Variants in LCK observed in about 807,000 individuals in gnomAD.
LCK encodes LCK proto-oncogene, Src family tyrosine kinase, also known as tyrosine-protein kinase Lck.
Under a neutral mutation model 64.6 loss-of-function variants are expected in LCK, and 14 were observed. The ratio of observed to expected loss-of-function variants is 0.22; its 90% CI spans 0.14 to 0.34. LCK has a LOEUF of 0.34. LCK is among the 10% of genes least tolerant of loss of function. The pLI is 1.00. For synonymous variants in LCK, 277 were observed against 263.6 expected (o/e 1.05, Z -0.49); for missense variants, 434 against 668.1 (o/e 0.65, Z 3.86).
chr1:32,272,577 G>C (rs190626155), intron 1 of LCK, among the ~76,000 whole-genome samples: 41 of 143,572 alleles, frequency 2.9e-4, no homozygotes, highest in Admixed American at 1.5e-3. Flanking sequence ...TGTCTCAAGA[G>C]AGAGAGAGAA....
At chr1:32,262,171 A>G (rs1639793184) in intron 1 of LCK, among the ~76,000 whole-genome samples, 1 of 141,366 alleles carries the variant, frequency 7.1e-6, no homozygotes, top group South Asian at 2.6e-4. Context: ...GGTGTGAGCC[A>G]CGGCCCCCGG....
At chr1:32,283,467 T>A (rs1640522858) in intron 12 of LCK, among the ~76,000 whole-genome samples, 1 of 152,066 alleles carries the variant, frequency 6.6e-6, no homozygotes, top group Non-Finnish European at 1.5e-5. Context: ...CTTGTCACAA[T>A]CTTTGTTCAG....
At chr1:32,280,449 T>C (rs933585835) in intron 12 of LCK, among the ~76,000 whole-genome samples, 4 of 114,046 alleles carry the variant, frequency 3.5e-5, no homozygotes, top group South Asian at 3.5e-4. Context: ...TTTTCTTTTT[T>C]TTTTTTTTTT....
In LCK at chr1:32,283,889, TTATG is replaced by T. The variant is rs917149010; in HGVS notation, c.1328-1621_1328-1618del. 1.4e-4 allele frequency among the ~76,000 whole-genome samples: 22 copies of T among 152,042 alleles called. 1 individual carries two copies. The highest frequency in any genetic ancestry group is 4.6e-4 in the African/African-American group (19 of 41,456). On this transcript the variant is annotated intron_variant, in intron 12 of 12. Transcript: ENST00000336890. ...CAGGTGCCCTTTATTATTTATTTATTTATGTATTTATTTCAGACAGAGTCTCTGT... is the reference window on the plus strand; with the variant it reads ...CAGGTGCCCTTTATTATTTATTTATTTATTTATTTCAGACAGAGTCTCTGT...
At chr1:32,274,885 C>A (rs1311077194) in intron 3 of LCK, 67 bp downstream of exon 3, 2 of 1,613,770 alleles carry the variant, frequency 1.2e-6, no homozygotes, top group Non-Finnish European at 1.7e-6. Flanking sequence ...TTCCACCTCT[C>A]CCCCACCTAC....
intron 1 of LCK, among the ~76,000 whole-genome samples, chr1:32,268,813 CAAA>C (rs1203257987): frequency 5.6e-5 from 3 of 53,258 alleles, no homozygotes; most frequent in Non-Finnish European, 7.8e-5. Flanking sequence ...AACTCCGTCT[CAAA>C]AAAAAAAAAA....
chr1:32,262,883 A>C (rs1029255232), intron 1 of LCK, among the ~76,000 whole-genome samples: 4 of 151,820 alleles, frequency 2.6e-5, no homozygotes, highest in East Asian at 3.9e-4. Context: ...AAAAAAAAAA[A>C]AAAACAGATG....
intron 1 of LCK, among the ~76,000 whole-genome samples, chr1:32,270,100 C>T (rs961989899): frequency 7.2e-5 from 11 of 152,148 alleles, no homozygotes; most frequent in African/African-American, 2.2e-4. Context: ...TGAATTCTCT[C>T]TCTCTGTCTC....
intron 1 of LCK, among the ~76,000 whole-genome samples, chr1:32,263,249 G>A (rs763939815): frequency 3.3e-5 from 5 of 151,518 alleles, no homozygotes; most frequent in Admixed American, 6.6e-5. Context: ...AAAAATTAGC[G>A]GGCATGGTGG....
intron 1 of LCK, among the ~76,000 whole-genome samples, chr1:32,265,964 T>C (rs1456723731): frequency 2.6e-5 from 4 of 152,122 alleles, no homozygotes; most frequent in Non-Finnish European, 4.4e-5. Context: ...CACCCGGCCT[T>C]GTTTTGAGAC....
At chr1:32,267,327 C>A (rs1355378268) in intron 1 of LCK, among the ~76,000 whole-genome samples, 1 of 152,160 alleles carries the variant, frequency 6.6e-6, no homozygotes, top group Non-Finnish European at 1.5e-5. Context: ...AAATTCCATG[C>A]ACATTTTGCA....
chr1:32,253,137 G>A (rs1000812274), intron 1 of LCK, among the ~76,000 whole-genome samples: 3 of 152,210 alleles, frequency 2.0e-5, no homozygotes, highest in Non-Finnish European at 2.9e-5. Flanking sequence ...AGGCTGAGGC[G>A]GGCAGATCAT....
intron 1 of LCK, among the ~76,000 whole-genome samples, chr1:32,271,593 G>A (rs541299784): frequency 2.0e-4 from 31 of 152,362 alleles, no homozygotes; most frequent in African/African-American, 7.2e-4. Context: ...GAGCCCAGGA[G>A]TTTGAGGTTC....
chr1:32,251,782 C>G lies in LCK; in HGVS notation c.-6+411C>G, dbSNP rs2124294293. The stretch of plus-strand genomic sequence containing the variant: ...GCAGTGGCAGGGCTGAGAGTGATGG[C>G]TGAGGCTGTGGCCACCCCGCCTGGA... On this transcript the variant is annotated intron_variant, in intron 1 of 12. Transcript: ENST00000336890. The surrounding 1 kb of genome is among the most constrained non-coding windows in gnomAD (Gnocchi z 4.0). Among the ~76,000 whole-genome samples, 1 of 152,238 alleles carries G rather than the reference C, an allele frequency of 6.6e-6. No individual in the cohort carries two copies. Among genetic ancestry groups the G allele is most frequent in the South Asian group, 2.1e-4 (1 of 4,824 alleles).
chr1:32,272,829 G>A lies in LCK; in HGVS notation c.-5-1496G>A, dbSNP rs114061634. 2.9e-3 allele frequency among the ~76,000 whole-genome samples: 426 copies of A among 145,466 alleles called. 1 individual carries two copies. Among genetic ancestry groups the A allele is most frequent in the African/African-American group, 0.011 (417 of 39,262 alleles). The stretch of plus-strand genomic sequence containing the variant: ...GTGTGTGTGAGTGTGGGTGTGTGGG[G>A]GTATCTATGGAGGGGATGCCTGTGT... On this transcript the variant is annotated intron_variant, in intron 1 of 12. Coordinates refer to ENST00000336890, the MANE Select transcript of LCK (RefSeq NM_005356.5).
intron 12 of LCK, among the ~76,000 whole-genome samples, chr1:32,280,443 CTTTTTTTTTTTTTTTTT>C (rs770430504): frequency 2.8e-4 from 24 of 84,756 alleles, no homozygotes; most frequent in South Asian, 8.8e-4. Flanking sequence ...TTTTCTTTTT[CTTTTTTTTTTTTTTTTT>C]TTTTTTTTTT....
chr1:32,279,587 T>G, intron 9 of LCK, 84 bp from the exon 10 acceptor site: 1 of 1,609,960 alleles, frequency 6.2e-7, no homozygotes, highest in Non-Finnish European at 8.5e-7. Context: ...TCAGACACAC[T>G]TCTAGACTCC....
intron 1 of LCK, 46 bp from the exon 2 acceptor site, chr1:32,274,279 G>A: frequency 3.1e-6 from 5 of 1,613,468 alleles, no homozygotes; most frequent in Non-Finnish European, 4.2e-6. Context: ...TGTTGGGGGA[G>A]CAGATCTTGG....
rs561703751 is a variant in LCK at position 32,275,357 on chromosome 1, G to C, written c.315G>C (p.Thr105=). Residue 105 remains threonine (T), a synonymous_variant, in exon 5 of 13, where the codon ACG becomes ACC. Coordinates refer to ENST00000336890, the MANE Select transcript of LCK (RefSeq NM_005356.5). The surrounding 1 kb of genome is among the most constrained non-coding windows in gnomAD (Gnocchi z 6.9). The part of the protein sequence containing the change: ...GEWWKAQSLT[T]GQEGFIPFNF... ...GGTGGAAGGCGCAGTCCCTGACCAC[G>C]GGCCAGGAAGGCTTCATCCCCTTCA... 1.2e-6 allele frequency: 2 copies of C among 1,614,184 alleles called. No individual in the cohort carries two copies. Among genetic ancestry groups the C allele is most frequent in the Non-Finnish European group, 1.7e-6 (2 of 1,180,026 alleles).
Sources: allele counts gnomAD v4.1 joint callset (sites outside exome capture counted in the v4.1 genomes callset), GRCh38; gene constraint gnomAD v4.1.1; non-coding constraint Gnocchi (gnomAD v3.1); transcripts MANE v1.5; gene names NCBI Gene and HGNC (gene_info 2026-07-23, HGNC 2026-07-21).